ST6GALNAC5: variants seen among roughly 807,000 people sequenced by gnomAD.
ST6GALNAC5 encodes the protein ST6 N-acetylgalactosaminide alpha-2,6-sialyltransferase 5.
In ST6GALNAC5, 27 loss-of-function variants were observed where a neutral mutation model predicts 33.6. That is an observed-to-expected ratio of 0.80 (90% CI 0.59 to 1.11). The LOEUF (loss-of-function observed/expected upper bound fraction) is 1.11, where lower values mean the gene tolerates loss of function less well. Ranked by LOEUF, ST6GALNAC5 falls within the 50% of genes least tolerant of loss-of-function variation. The pLI, the probability that ST6GALNAC5 is intolerant of heterozygous loss-of-function variation, is 0.00. For missense variants in ST6GALNAC5, 428 were observed against 454.0 expected, an observed-to-expected ratio of 0.94 and a Z score of 0.52; for synonymous variants, 194 against 171.2, an observed-to-expected ratio of 1.13 and a Z score of -1.04.
intron 2 of ST6GALNAC5, among the ~76,000 whole-genome samples, chr1:76,880,027 G>T (rs1321631053): frequency 6.6e-6 from 1 of 152,206 alleles, no homozygotes; most frequent in South Asian, 2.1e-4. Flanking sequence ...AGTCTTATCA[G>T]ATTTAAGGCT....
At chr1:76,931,521 C>T (rs1450719344) in intron 2 of ST6GALNAC5, among the ~76,000 whole-genome samples, 2 of 152,018 alleles carry the variant, frequency 1.3e-5, no homozygotes, top group Non-Finnish European at 2.9e-5. Context: ...TCCTTTTCTT[C>T]TTTTTACTAG....
chr1:77,006,288 G>A (rs1391198418), intron 2 of ST6GALNAC5, among the ~76,000 whole-genome samples: 1 of 150,998 alleles, frequency 6.6e-6, no homozygotes, highest in African/African-American at 2.4e-5. Flanking sequence ...CCAAGTAGCT[G>A]GGACTACAGG....
At chr1:77,036,761 G>GGCACT (rs1362502924) in intron 2 of ST6GALNAC5, among the ~76,000 whole-genome samples, 1 of 152,198 alleles carries the variant, frequency 6.6e-6, no homozygotes, top group Non-Finnish European at 1.5e-5. Flanking sequence ...CTATGTGCTG[G>GGCACT]GCACTGTCCT....
At position 76,935,232 on chromosome 1, in the gene ST6GALNAC5, TAAC is replaced by T. The variant is rs773811166; in HGVS notation, c.261+66491_261+66493del. On this transcript the variant is annotated intron_variant, in intron 2 of 4. Transcript: ENST00000477717. ...AAATACGTGGGAAATAAATAATAAA[TAAC>T]GACAGTGTGTCAAAGTGATTTTATT... 2.7e-4 allele frequency among the ~76,000 whole-genome samples: 41 copies of T among 152,044 alleles called. 1 individual carries two copies. Among genetic ancestry groups the T allele is most frequent in the Non-Finnish European group, 5.4e-4 (37 of 67,950 alleles).
At chr1:76,908,905 C>G (rs1051187910) in intron 2 of ST6GALNAC5, among the ~76,000 whole-genome samples, 2 of 152,126 alleles carry the variant, frequency 1.3e-5, no homozygotes, top group Non-Finnish European at 2.9e-5. Context: ...CTTTGATGCT[C>G]TAAGAAATTG....
chr1:77,020,536 G>A (rs563675844), intron 2 of ST6GALNAC5, among the ~76,000 whole-genome samples: 100 of 152,164 alleles, frequency 6.6e-4, no homozygotes, highest in African/African-American at 2.1e-3. Flanking sequence ...AAGTAGCTGG[G>A]ACCATAGGTG....
At chr1:76,978,392 A>G (rs1649113090) in intron 2 of ST6GALNAC5, among the ~76,000 whole-genome samples, 1 of 152,134 alleles carries the variant, frequency 6.6e-6, no homozygotes, top group Admixed American at 6.6e-5. Context: ...AAATACTAAG[A>G]AACCAATCTC....
intron 2 of ST6GALNAC5, among the ~76,000 whole-genome samples, chr1:77,018,839 T>A (rs1650948717): frequency 6.6e-6 from 1 of 152,214 alleles, no homozygotes; most frequent in East Asian, 1.9e-4. Flanking sequence ...TTCTTAAATA[T>A]CTTGTTTCTT....
intron 2 of ST6GALNAC5, among the ~76,000 whole-genome samples, chr1:76,871,559 G>A (rs1172877051): frequency 6.6e-6 from 1 of 152,098 alleles, no homozygotes; most frequent in South Asian, 2.1e-4. Flanking sequence ...ACAAATTACA[G>A]CCTGTCTGCA....
chr1:77,015,259 T>A (rs561410238), intron 2 of ST6GALNAC5, among the ~76,000 whole-genome samples: 1 of 152,216 alleles, frequency 6.6e-6, no homozygotes, highest in South Asian at 2.1e-4. Flanking sequence ...GGAGATGAGA[T>A]GAGATGTCCT....
intron 2 of ST6GALNAC5, among the ~76,000 whole-genome samples, chr1:76,876,645 C>T (rs1418483491): frequency 1.3e-5 from 2 of 152,184 alleles, no homozygotes; most frequent in Non-Finnish European, 2.9e-5. Flanking sequence ...TATATAATCT[C>T]ACATCGGACC....
At chr1:76,869,029 G>A in intron 2 of ST6GALNAC5, 1 of 346,856 alleles carries the variant, frequency 2.9e-6, no homozygotes, top group Non-Finnish European at 5.0e-6. Flanking sequence ...CCCCAGAATT[G>A]CAGCTGCGGA....
chr1:76,938,990 T>A (rs1479334082), intron 2 of ST6GALNAC5, among the ~76,000 whole-genome samples: 2 of 152,158 alleles, frequency 1.3e-5, no homozygotes, highest in African/African-American at 4.8e-5. Context: ...CCTCTTGGAT[T>A]CCACAGAATT....
chr1:76,987,772 T>C (rs1403241), intron 2 of ST6GALNAC5, among the ~76,000 whole-genome samples: 51,993 of 151,718 alleles, frequency 0.34, 10,857 homozygotes, highest in Non-Finnish European at 0.45. Flanking sequence ...ATAAATGAAG[T>C]ACTTGATGCT....
At position 76,868,558 on chromosome 1, in the gene ST6GALNAC5, A is replaced by T. The variant is rs1653409051; in HGVS notation, c.77A>T (p.Tyr26Phe). 1 of 1,613,338 alleles carries T rather than the reference A, an allele frequency of 6.2e-7. No homozygotes were observed. The highest frequency in any genetic ancestry group is 8.5e-7 in the Non-Finnish European group (1 of 1,179,606). The change falls in exon 2 of 5, where the codon TAC becomes TTC. Residue 26 changes from tyrosine (Y) to phenylalanine (F), a missense_variant. By Grantham distance (22) the Tyr-to-Phe change is conservative. Transcript: ENST00000477717. This position sits in a 1 kb window ranked among gnomAD's most constrained non-coding sequence, Gnocchi z 4.3. The part of the protein sequence containing the change: ...TTMCTSLLLV[Y>F]SSLGGQKERP... ...ATGTGCACCAGCTTGTTGCTAGTGT[A>T]CAGCAGCCTCGGCGGCCAGAAGGAG...
At chr1:76,984,772 T>C (rs556796825) in intron 2 of ST6GALNAC5, among the ~76,000 whole-genome samples, 2 of 152,314 alleles carry the variant, frequency 1.3e-5, no homozygotes, top group South Asian at 4.1e-4. Context: ...CTCAATAAAA[T>C]ACTGGCAAAC....
chr1:76,912,752 C>A (rs1646927735), intron 2 of ST6GALNAC5, among the ~76,000 whole-genome samples: 1 of 151,984 alleles, frequency 6.6e-6, no homozygotes, highest in African/African-American at 2.4e-5. Flanking sequence ...GCAACCCCTG[C>A]CTTTTTTTGT....
chr1:76,971,507 A>T (rs998466147), intron 2 of ST6GALNAC5, among the ~76,000 whole-genome samples: 16 of 152,188 alleles, frequency 1.1e-4, no homozygotes, highest in Non-Finnish European at 1.9e-4. Flanking sequence ...TAAGATGATT[A>T]TATCACATGA....
At chr1:77,045,696 G>A (rs1651984409) in intron 3 of ST6GALNAC5, among the ~76,000 whole-genome samples, 1 of 152,178 alleles carries the variant, frequency 6.6e-6, no homozygotes, top group Non-Finnish European at 1.5e-5. Context: ...CCTCCCTGGA[G>A]GTCCAGGGAA....
Sources: allele counts gnomAD v4.1 joint callset (sites outside exome capture counted in the v4.1 genomes callset), GRCh38; gene constraint gnomAD v4.1.1; non-coding constraint Gnocchi (gnomAD v3.1); transcripts MANE v1.5; gene names NCBI Gene and HGNC (gene_info 2026-07-23, HGNC 2026-07-21).